The following FAT3 variants were observed in gnomAD, a reference collection of about 807,000 sequenced individuals.
FAT3 encodes the protein protocadherin Fat 3.
FAT3 carries 95 observed loss-of-function variants against 310.2 expected under a neutral mutation model. That is an observed-to-expected ratio of 0.31 (90% CI 0.26 to 0.36). The LOEUF (loss-of-function observed/expected upper bound fraction) is 0.36, where lower values mean the gene tolerates loss of function less well. FAT3 is among the 10% of genes least tolerant of loss of function. The pLI, the probability that FAT3 is intolerant of heterozygous loss-of-function variation, is 1.00. For missense variants in FAT3, 5,408 were observed against 5,715.6 expected (o/e 0.95, Z 1.74); for synonymous variants, 2,314 against 2,192.9 (o/e 1.06, Z -1.54).
intron 3 of FAT3, among the ~76,000 whole-genome samples, chr11:92,544,272 A>T (rs1954547539): frequency 6.6e-6 from 1 of 152,164 alleles, no homozygotes; most frequent in Non-Finnish European, 1.5e-5. Context: ...ATGCACTTAG[A>T]TAGAAGAAAT....
At chr11:92,686,455 T>A (rs1271477130) in intron 3 of FAT3, among the ~76,000 whole-genome samples, 2 of 152,192 alleles carry the variant, frequency 1.3e-5, no homozygotes, top group East Asian at 3.8e-4. Context: ...CTCTTCATCC[T>A]GTTAATTTAC....
chr11:92,649,161 C>G (rs184034771), intron 3 of FAT3, among the ~76,000 whole-genome samples: 171 of 152,272 alleles, frequency 1.1e-3, no homozygotes, highest in African/African-American at 3.8e-3. Context: ...TGGCATTTCT[C>G]CTAATTATAA....
In FAT3 at chr11:92,561,649, G is replaced by A. The variant is rs187189255; in HGVS notation, c.3607+36701G>A. ...TTATTTATTTATTTATTTTTGAGAC[G>A]GAGTCTCGCTCTGTCCCCCAGGCTG... On this transcript the variant is annotated intron_variant, in intron 3 of 27. Transcript: ENST00000525166. Among the ~76,000 whole-genome samples, 275 of 150,752 alleles carry A rather than the reference G, an allele frequency of 1.8e-3. 2 individuals are homozygous for A. Among genetic ancestry groups the A allele is most frequent in the African/African-American group, 6.1e-3 (252 of 41,062 alleles).
At chr11:92,312,882 T>C (rs1029144506) in intron 1 of FAT3, among the ~76,000 whole-genome samples, 2 of 152,180 alleles carry the variant, frequency 1.3e-5, no homozygotes, top group Non-Finnish European at 2.9e-5. Flanking sequence ...TCTTGAAAAT[T>C]TGTTAGTTTC....
At chr11:92,371,573 C>T (rs768870713) in intron 2 of FAT3, among the ~76,000 whole-genome samples, 1 of 152,092 alleles carries the variant, frequency 6.6e-6, no homozygotes, top group Non-Finnish European at 1.5e-5. Flanking sequence ...AAAAATCAGC[C>T]GAGTGTGGTG....
chr11:92,502,969 A>G (rs963153397), intron 2 of FAT3, among the ~76,000 whole-genome samples: 3 of 152,148 alleles, frequency 2.0e-5, no homozygotes, highest in Non-Finnish European at 2.9e-5. Context: ...CTGTACGTAC[A>G]GTGAAGTAAA....
chr11:92,797,946 G>A lies in FAT3; in HGVS notation c.4933G>A (p.Asp1645Asn). The A allele has an allele frequency of 1.2e-6, 2 of 1,613,866 alleles. No homozygotes were observed. The highest frequency in any genetic ancestry group is 1.1e-5 in the South Asian group (1 of 91,080). Reference sequence around the variant, plus strand: ...GTTTGTCCTATCCATCAAAGTCACAGATCAGGGATCCCCGCCAATGTCTGC... The same window carrying A: ...GTTTGTCCTATCCATCAAAGTCACAAATCAGGGATCCCCGCCAATGTCTGC... The part of the protein sequence containing the change: ...GQFVLSIKVT[D>N]QGSPPMSATA... Residue 1645 changes from aspartate (D) to asparagine (N), a missense_variant, in exon 10 of 28, where the codon GAT becomes AAT. Physicochemically the swap from Asp to Asn is conservative, Grantham distance 23 (BLOSUM62 1). Coordinates refer to ENST00000525166, the MANE Select transcript of FAT3 (RefSeq NM_001367949.2).
intron 3 of FAT3, among the ~76,000 whole-genome samples, chr11:92,582,531 C>T (rs186798997): frequency 3.4e-4 from 52 of 152,082 alleles, no homozygotes; most frequent in Middle Eastern, 3.4e-3. Flanking sequence ...TATAACATTT[C>T]TGAGAGGTAG....
intron 2 of FAT3, among the ~76,000 whole-genome samples, chr11:92,440,908 C>A (rs893412131): frequency 1.3e-5 from 2 of 152,130 alleles, no homozygotes; most frequent in African/African-American, 4.8e-5. Context: ...CAGGTACATT[C>A]CTTAACCTGA....
chr11:92,839,365 A>C (rs1173958481), intron 17 of FAT3, among the ~76,000 whole-genome samples: 1 of 152,196 alleles, frequency 6.6e-6, no homozygotes, highest in Non-Finnish European at 1.5e-5. Context: ...CAAACAAATC[A>C]GTCAGTGTGA....
intron 1 of FAT3, among the ~76,000 whole-genome samples, chr11:92,277,927 C>A (rs1419063114): frequency 6.6e-6 from 1 of 150,552 alleles, no homozygotes; most frequent in Admixed American, 6.6e-5. Context: ...CTAAAAACAA[C>A]AAAAAAATTA....
chr11:92,253,631 T>G (rs568841693), intron 1 of FAT3, among the ~76,000 whole-genome samples: 1 of 152,266 alleles, frequency 6.6e-6, no homozygotes, highest in Admixed American at 6.5e-5. Context: ...GGAAACCAAC[T>G]GGGAAGCTTA....
At chr11:92,725,771 A>G (rs1944980833) in intron 4 of FAT3, among the ~76,000 whole-genome samples, 1 of 152,162 alleles carries the variant, frequency 6.6e-6, no homozygotes, top group Non-Finnish European at 1.5e-5. Context: ...TGAATTAGAC[A>G]TCCCTTTCTC....
intron 3 of FAT3, among the ~76,000 whole-genome samples, chr11:92,574,142 A>G (rs1938339128): frequency 6.6e-6 from 1 of 152,196 alleles, no homozygotes; most frequent in African/African-American, 2.4e-5. Context: ...GCCATGGATG[A>G]AGCTGGTTGT....
At chr11:92,744,318 G>C (rs779426134) in intron 4 of FAT3, among the ~76,000 whole-genome samples, 85 of 152,312 alleles carry the variant, frequency 5.6e-4, no homozygotes, top group Middle Eastern at 3.4e-3. Context: ...AAGAGTTACA[G>C]TTTTATCTTT....
intron 12 of FAT3, among the ~76,000 whole-genome samples, chr11:92,807,970 T>A (rs550710691): frequency 6.6e-6 from 1 of 152,222 alleles, no homozygotes; most frequent in Admixed American, 6.5e-5. Context: ...TAACTGACTA[T>A]TGAGTCTCCA....
intron 3 of FAT3, among the ~76,000 whole-genome samples, chr11:92,664,280 A>G (rs143386242): frequency 7.0e-4 from 107 of 152,312 alleles, no homozygotes; most frequent in African/African-American, 2.4e-3. Flanking sequence ...AATCTATTGT[A>G]TTGTAATGAG....
intron 6 of FAT3, among the ~76,000 whole-genome samples, chr11:92,767,696 A>G (rs537996426): frequency 2.0e-5 from 3 of 152,160 alleles, no homozygotes; most frequent in East Asian, 3.9e-4. Context: ...CAAGTTTCTC[A>G]TGTCAGCATG....
intron 3 of FAT3, among the ~76,000 whole-genome samples, chr11:92,572,520 A>C (rs899820353): frequency 3.3e-5 from 5 of 152,190 alleles, no homozygotes; most frequent in Admixed American, 2.6e-4. Context: ...CATGCTTAAC[A>C]AAAACTGTCA....
Sources: allele counts gnomAD v4.1 joint callset (sites outside exome capture counted in the v4.1 genomes callset), GRCh38; gene constraint gnomAD v4.1.1; transcripts MANE v1.5; gene names NCBI Gene and HGNC (gene_info 2026-07-23, HGNC 2026-07-21).